The following TLX1 variants were observed in gnomAD, a reference collection of about 807,000 sequenced individuals.
The protein encoded by TLX1 is T cell leukemia homeobox 1.
In TLX1, 6 loss-of-function variants were observed where a neutral mutation model predicts 26.5. That is an observed-to-expected ratio of 0.23 (90% CI 0.12 to 0.45). The LOEUF is 0.45. Among genes scored for constraint, TLX1 ranks in the 20% least tolerant of loss-of-function variants. The pLI is 0.99. For missense variants in TLX1, 418 were observed against 482.6 expected (o/e 0.87, Z 1.25); for synonymous variants, 217 against 219.7 (o/e 0.99, Z 0.11).
rs1310240156 is a variant in TLX1, at chr10:101,132,623, G to A, written c.568+514G>A. Among the ~76,000 whole-genome samples, 2 of 144,112 alleles carry A rather than the reference G, an allele frequency of 1.4e-5. No homozygotes were observed. The highest frequency in any genetic ancestry group is 2.6e-5 in the African/African-American group (1 of 38,966). 94.5% of individuals were successfully genotyped at this position (144,112 alleles called of 152,430 possible). On this transcript the variant is annotated intron_variant, in intron 1 of 2. Coordinates refer to ENST00000370196, the MANE Select transcript of TLX1 (RefSeq NM_005521.4). The surrounding 1 kb of genome is among the most constrained non-coding windows in gnomAD (Gnocchi z 4.1). Reference sequence around the variant, plus strand: ...CCGTGGTGCTGCGGGGCCAGTGGGGGCTCTGAGCCCCGGTAAATCAGCAGA... The same window carrying A: ...CCGTGGTGCTGCGGGGCCAGTGGGGACTCTGAGCCCCGGTAAATCAGCAGA...
intron 2 of TLX1, 29 bp downstream of exon 2, chr10:101,134,405 G>T: frequency 6.6e-7 from 1 of 1,513,586 alleles, no homozygotes; most frequent in Non-Finnish European, 8.8e-7. Flanking sequence ...CCGGCCGCCC[G>T]CGAGCGGCGC....
Position 101,132,188 on chromosome 10 carries a change from A to C in TLX1, c.568+79A>C. ...CCCTGCCCCGCCGGGTGGCTCCCCA[A>C]AGCCGGTTCTGCGCTCCAGGTCGCC... On this transcript the variant is annotated intron_variant, in intron 1 of 2. Coordinates refer to ENST00000370196, the MANE Select transcript of TLX1 (RefSeq NM_005521.4). The surrounding 1 kb of genome is among the most constrained non-coding windows in gnomAD (Gnocchi z 4.1). 1 of 1,222,064 alleles carries C rather than the reference A, an allele frequency of 8.2e-7. No homozygotes were observed. The highest frequency in any genetic ancestry group is 1.0e-6 in the Non-Finnish European group (1 of 965,070). The allele number at this position is 1,222,064 out of a possible 1,614,324, so 75.7% of individuals were successfully genotyped here.
At chr10:101,134,716 G>A (rs969265303) in intron 2 of TLX1, among the ~76,000 whole-genome samples, 2 of 152,238 alleles carry the variant, frequency 1.3e-5, no homozygotes, top group African/African-American at 4.8e-5. Context: ...TGTGAGTCCT[G>A]GGGAGCTTTT....
chr10:101,137,705 T>C lies in TLX1; in HGVS notation c.*792T>C. On this transcript the variant is annotated 3_prime_UTR_variant, in exon 3 of 3. Transcript: ENST00000370196. ...GGTGGGGGGGTGTTAATTTATGCAC[T>C]TATAAGGTGTTTTCTGTGTAACCAT... is the stretch of plus-strand genomic sequence containing the variant. 1 of 232,430 alleles carries C rather than the reference T, an allele frequency of 4.3e-6. No homozygotes were observed. Among genetic ancestry groups the C allele is most frequent in the Non-Finnish European group, 8.5e-6 (1 of 117,242 alleles). 14.4% of individuals were successfully genotyped at this position (232,430 alleles called of 1,614,324 possible). A position where few individuals can be genotyped will look rare whatever the true frequency, so the allele number is the denominator to read the frequency against.
intron 1 of TLX1, chr10:101,133,149 TC>T: frequency 6.6e-6 from 1 of 152,416 alleles, no homozygotes; most frequent in Non-Finnish European, 1.5e-5. Flanking sequence ...CTCCTGGGGG[TC>T]CCCCGGTTCA....
rs1940198652 is a variant in TLX1, at chr10:101,132,379, C to T, written c.568+270C>T. 6.6e-6 allele frequency among the ~76,000 whole-genome samples: 1 copy of T among 152,260 alleles called. No homozygotes were observed. Among genetic ancestry groups the T allele is most frequent in the African/African-American group, 2.4e-5 (1 of 41,474 alleles). ...CCCTCTCCGGATCCACTAGCCGGGTCAGGCAGAGAGAAGGAGGCCATAGAT... is the reference window on the plus strand; with the variant it reads ...CCCTCTCCGGATCCACTAGCCGGGTTAGGCAGAGAGAAGGAGGCCATAGAT... On this transcript the variant is annotated intron_variant, in intron 1 of 2. Transcript: ENST00000370196. This position sits in a 1 kb window ranked among gnomAD's most constrained non-coding sequence, Gnocchi z 4.1.
At chr10:101,134,898 G>C (rs566655405) in intron 2 of TLX1, among the ~76,000 whole-genome samples, 1 of 152,224 alleles carries the variant, frequency 6.6e-6, no homozygotes, top group Non-Finnish European at 1.5e-5. Context: ...TTGCGCAGCC[G>C]GTCCCTACCC....
chr10:101,136,100 T>C (rs1303592859), intron 2 of TLX1, among the ~76,000 whole-genome samples: 1 of 152,034 alleles, frequency 6.6e-6, no homozygotes, highest in Non-Finnish European at 1.5e-5. Context: ...CGGCAGTAAA[T>C]GGAATAAGTG....
Position 101,132,658 on chromosome 10 carries a change from CT to C in TLX1, c.568+562del, listed in dbSNP as rs575238401. On this transcript the variant is annotated intron_variant, in intron 1 of 2. Transcript: ENST00000370196. The surrounding 1 kb of genome is among the most constrained non-coding windows in gnomAD (Gnocchi z 4.1). ...CCGGTAAATCAGCAGAACCAGTGGC[CT>C]TTTTTTTTTTTTCCGGAGAGCAGGC... The C allele has an allele frequency of 8.1e-3, 1,177 of 145,526 alleles. 5 individuals carry two copies. Among genetic ancestry groups the C allele is most frequent in the African/African-American group, 0.024 (957 of 39,792 alleles). 9.0% of individuals were successfully genotyped at this position (145,526 alleles called of 1,614,324 possible).
rs1940174519 is a variant in TLX1, at chr10:101,131,701, G to A, written c.160G>A (p.Ala54Thr). The A allele has an allele frequency of 6.6e-7, 1 of 1,505,528 alleles. No individual in the cohort carries two copies. The highest frequency in any genetic ancestry group is 8.8e-7 in the Non-Finnish European group (1 of 1,134,256). The allele number at this position is 1,505,528 out of a possible 1,614,324, so 93.3% of individuals were successfully genotyped here. ...CGGCCTTGGCTGCTTGGTCGGAGGC[G>A]CCTACACTTACGGCGGCGGGGGCTC... Reference protein sequence around the residue: ...EYGLGCLVGGAYTYGGGGSAA... With the variant: ...EYGLGCLVGGTYTYGGGGSAA... The change falls in exon 1 of 3, where the codon GCC becomes ACC. Residue 54 changes from alanine to threonine, a missense_variant. Ala to Thr is a moderately conservative substitution (Grantham distance 58). Around this residue, in one of 3 missense-constraint regions of TLX1, gnomAD observed 322 missense variants for 344.6 expected, o/e 0.93. Transcript: ENST00000370196.
At position 101,136,965 on chromosome 10, in the gene TLX1, G is replaced by A. The variant is rs925341027; in HGVS notation, c.*52G>A. ...CCAGGCCCACTCAGGGGTCACTGAG[G>A]CCTGAGACCCAGGACTCCTCCCCAC... On this transcript the variant is annotated 3_prime_UTR_variant, in exon 3 of 3. Transcript: ENST00000370196. 2 of 1,596,948 alleles carry A rather than the reference G, an allele frequency of 1.3e-6. No individual in the cohort carries two copies. The highest frequency in any genetic ancestry group is 1.7e-6 in the Non-Finnish European group (2 of 1,169,252).
In TLX1 at chr10:101,131,864, C is replaced by A; in HGVS notation, c.323C>A (p.Ala108Glu). 1 of 1,406,840 alleles carries A rather than the reference C, an allele frequency of 7.1e-7. No homozygotes were observed. The highest frequency in any genetic ancestry group is 9.2e-7 in the Non-Finnish European group (1 of 1,087,544). The allele number at this position is 1,406,840 out of a possible 1,614,324, so 87.1% of individuals were successfully genotyped here. A position where few individuals can be genotyped will look rare whatever the true frequency, so the allele number is the denominator to read the frequency against. The change falls in exon 1 of 3, where the codon GCA becomes GAA. Residue 108 changes from alanine (A) to glutamate (E), a missense_variant. Physicochemically the swap from Ala to Glu is moderately radical, Grantham distance 107. Coordinates refer to ENST00000370196, the MANE Select transcript of TLX1 (RefSeq NM_005521.4). Reference protein sequence around the residue: ...TGSYNVNMALAGGPGPGGGGG... With the variant: ...TGSYNVNMALEGGPGPGGGGG... The stretch of plus-strand genomic sequence containing the variant: ...TCCTACAACGTGAACATGGCCTTGG[C>A]AGGCGGCCCCGGTCCTGGCGGCGGC...
intron 2 of TLX1, among the ~76,000 whole-genome samples, chr10:101,136,361 A>T (rs559708119): frequency 2.6e-5 from 4 of 152,230 alleles, no homozygotes; most frequent in Non-Finnish European, 5.9e-5. Flanking sequence ...GGGGGAGGCG[A>T]GATGCCATCC....
In TLX1 at chr10:101,131,667, C is replaced by T; in HGVS notation, c.126C>T (p.Asp42=). Residue 42 remains aspartate (D), a synonymous_variant, in exon 1 of 3, where the codon GAC becomes GAT. Coordinates refer to ENST00000370196, the MANE Select transcript of TLX1 (RefSeq NM_005521.4). ...GCMGPASRLQ[D]GEYGLGCLVG... ...TGGGACCCGCCTCGCGCCTCCAGGA[C>T]GGAGAATACGGCCTTGGCTGCTTGG... The T allele has an allele frequency of 2.6e-6, 4 of 1,558,828 alleles. No individual in the cohort carries two copies. Among genetic ancestry groups the T allele is most frequent in the South Asian group, 2.4e-5 (2 of 84,394 alleles).
At chr10:101,136,569 T>G in intron 2 of TLX1, 122 bp from the exon 3 acceptor site, 2 of 1,545,552 alleles carry the variant, frequency 1.3e-6, no homozygotes, top group Non-Finnish European at 1.8e-6. Flanking sequence ...CCAAACTGGA[T>G]TTGGGGACTG....
Position 101,132,228 on chromosome 10 carries a change from G to A in TLX1, c.568+119G>A. ...TCCAGGTCGCCCAGCTCTTCTTGGT[G>A]CTTCCCCCAAGTTGAGCCGCCCGCC... On this transcript the variant is annotated intron_variant, in intron 1 of 2. Transcript: ENST00000370196. This position sits in a 1 kb window ranked among gnomAD's most constrained non-coding sequence, Gnocchi z 4.1. 1 of 952,434 alleles carries A rather than the reference G, an allele frequency of 1.0e-6. No individual in the cohort carries two copies. The highest frequency in any genetic ancestry group is 3.3e-5 in the East Asian group (1 of 30,298). 59.0% of individuals were successfully genotyped at this position (952,434 alleles called of 1,614,324 possible). A position where few individuals can be genotyped will look rare whatever the true frequency, so the allele number is the denominator to read the frequency against.
At chr10:101,133,822 G>A (rs1940229858) in intron 1 of TLX1, among the ~76,000 whole-genome samples, 1 of 152,182 alleles carries the variant, frequency 6.6e-6, no homozygotes, top group African/African-American at 2.4e-5. Context: ...AAGGCCTGGG[G>A]CTGACTGAGG....
rs768988299 is a variant in TLX1 at position 101,137,460 on chromosome 10, CA to C, written c.*548del. 3.3e-5 allele frequency: 8 copies of C among 244,914 alleles called. No homozygotes were observed. Among genetic ancestry groups the C allele is most frequent in the Non-Finnish European group, 6.4e-5 (8 of 124,972 alleles). The allele number at this position is 244,914 out of a possible 1,614,324, so 15.2% of individuals were successfully genotyped here. ...TTGGACCTTACGATCAGGCACAGGTCAGGGGTGACACAGACTCATCCTGAAC... is the reference window on the plus strand; with the variant it reads ...TTGGACCTTACGATCAGGCACAGGTCGGGGTGACACAGACTCATCCTGAAC... On this transcript the variant is annotated 3_prime_UTR_variant, in exon 3 of 3. Coordinates refer to ENST00000370196, the MANE Select transcript of TLX1 (RefSeq NM_005521.4).
chr10:101,134,573 G>C (rs1940249421), intron 2 of TLX1, among the ~76,000 whole-genome samples, 197 bp downstream of exon 2: 1 of 152,376 alleles, frequency 6.6e-6, no homozygotes, highest in South Asian at 2.1e-4. Flanking sequence ...AAGAGCCCTG[G>C]CTCTGTTTTA....
Sources: allele counts gnomAD v4.1 joint callset (sites outside exome capture counted in the v4.1 genomes callset), GRCh38; gene constraint gnomAD v4.1.1; regional missense constraint gnomAD v4.1.1; non-coding constraint Gnocchi (gnomAD v3.1); transcripts MANE v1.5; gene names NCBI Gene and HGNC (gene_info 2026-07-23, HGNC 2026-07-21).